The following FGF12 variants were observed in gnomAD, a reference collection of about 807,000 sequenced individuals.
The protein encoded by FGF12 is fibroblast growth factor 12, also known as fibroblast growth factor 12B.
In FGF12, 14 loss-of-function variants were observed where a neutral mutation model predicts 23.6. That is an observed-to-expected ratio of 0.59 (90% CI 0.39 to 0.93). FGF12 has a LOEUF of 0.93. FGF12 is among the 40% of genes least tolerant of loss of function. The pLI, the probability that FGF12 is intolerant of heterozygous loss-of-function variation, is 0.00. For missense variants in FGF12, 175 were observed against 217.8 expected (o/e 0.80, Z 1.24); for synonymous variants, 62 against 77.3 (o/e 0.80, Z 1.04).
At chr3:192,307,631 G>A (rs955619928) in intron 4 of FGF12, among the ~76,000 whole-genome samples, 3 of 152,186 alleles carry the variant, frequency 2.0e-5, no homozygotes, top group Non-Finnish European at 4.4e-5. Context: ...GTTAGGGGAA[G>A]CACTGAGGTT....
intron 2 of FGF12, among the ~76,000 whole-genome samples, chr3:192,520,691 G>T (rs1215010147): frequency 2.0e-5 from 3 of 152,116 alleles, no homozygotes; most frequent in Admixed American, 1.3e-4. Context: ...GGTACTTAGA[G>T]TCAAAGCTTT....
At position 192,408,077 on chromosome 3, in the gene FGF12, G is replaced by C. The variant is rs769569451; in HGVS notation, c.14-47539C>G. 1.2e-6 allele frequency: 2 copies of C among 1,613,112 alleles called. No homozygotes were observed. Among genetic ancestry groups the C allele is most frequent in the South Asian group, 1.1e-5 (1 of 91,068 alleles). On this transcript the variant is annotated intron_variant, in intron 2 of 5. Transcript: ENST00000445105. The surrounding 1 kb of genome is among the most constrained non-coding windows in gnomAD (Gnocchi z 7.3). ...GGCCGCTGCAGAAGCGCACTTTGCT[G>C]AACACCCCGAGGACGTGCCTCTCGC...
intron 2 of FGF12, among the ~76,000 whole-genome samples, chr3:192,629,463 C>T (rs1263306705): frequency 6.6e-6 from 1 of 152,192 alleles, no homozygotes; most frequent in East Asian, 1.9e-4. Flanking sequence ...AGGAAACCAG[C>T]GATCTCAAGA....
chr3:192,684,930 C>T (rs1217983330), intron 2 of FGF12, among the ~76,000 whole-genome samples: 1 of 152,168 alleles, frequency 6.6e-6, no homozygotes, highest in African/African-American at 2.4e-5. Flanking sequence ...CAAATGTCAA[C>T]TCCCCTATTT....
At chr3:192,650,371 T>G (rs950611287) in intron 2 of FGF12, among the ~76,000 whole-genome samples, 1 of 152,198 alleles carries the variant, frequency 6.6e-6, no homozygotes, top group Admixed American at 6.5e-5. Context: ...CTCCATGCCT[T>G]TGCACCTGCT....
intron 2 of FGF12, among the ~76,000 whole-genome samples, chr3:192,404,189 G>A (rs1720872193): frequency 6.6e-6 from 1 of 152,096 alleles, no homozygotes; most frequent in Non-Finnish European, 1.5e-5. Flanking sequence ...TTTGAGGTAA[G>A]AAACTAAGTT....
intron 4 of FGF12, among the ~76,000 whole-genome samples, chr3:192,313,751 A>G (rs764650712): frequency 2.0e-5 from 3 of 152,208 alleles, no homozygotes; most frequent in Non-Finnish European, 2.9e-5. Context: ...GAGACTATGT[A>G]TGCATATCTA....
intron 2 of FGF12, among the ~76,000 whole-genome samples, chr3:192,446,694 A>G: frequency 6.6e-6 from 1 of 152,216 alleles, no homozygotes; most frequent in East Asian, 1.9e-4. Context: ...CAGCCGTCAG[A>G]CCACCGGCAT....
rs1448767155 is a variant in FGF12 at position 192,270,464 on chromosome 3, G to T, written c.228+64897C>A. 1.2e-4 allele frequency among the ~76,000 whole-genome samples: 19 copies of T among 152,138 alleles called. No individual in the cohort carries two copies. The East Asian group carries it at 3.7e-3, about 29-fold the overall frequency. On this transcript the variant is annotated intron_variant, in intron 4 of 5. Coordinates refer to ENST00000445105, the MANE Select transcript of FGF12 (RefSeq NM_004113.6). ...GTGAACTAAGAAGAGAAAAAGAAAA[G>T]AAAAATAATTCAATCTAAGTTACTA... is the stretch of plus-strand genomic sequence containing the variant.
At chr3:192,418,536 G>A (rs1721424630) in intron 2 of FGF12, among the ~76,000 whole-genome samples, 1 of 152,090 alleles carries the variant, frequency 6.6e-6, no homozygotes, top group African/African-American at 2.4e-5. Context: ...GTAGGGAATA[G>A]AAGGGACATT....
At position 192,447,293 on chromosome 3, in the gene FGF12, G is replaced by A. The variant is rs186489229; in HGVS notation, c.14-86755C>T. Among the ~76,000 whole-genome samples, 416 of 152,258 alleles carry A rather than the reference G, an allele frequency of 2.7e-3. 1 individual carries two copies. The highest frequency in any genetic ancestry group is 9.7e-3 in the African/African-American group (404 of 41,566). Reference sequence around the variant, plus strand: ...TATTTGTAGAAGGAGGGAGAATCCAGGATACAGACTCAGATTGGTGCCATT... The same window carrying A: ...TATTTGTAGAAGGAGGGAGAATCCAAGATACAGACTCAGATTGGTGCCATT... On this transcript the variant is annotated intron_variant, in intron 2 of 5. Coordinates refer to ENST00000445105, the MANE Select transcript of FGF12 (RefSeq NM_004113.6).
chr3:192,251,804 A>G (rs939821325), intron 4 of FGF12, among the ~76,000 whole-genome samples: 1 of 152,140 alleles, frequency 6.6e-6, no homozygotes, highest in African/African-American at 2.4e-5. Context: ...AAATAGGTGT[A>G]GAAAACAAAA....
chr3:192,693,692 T>C (rs931635805), intron 2 of FGF12, among the ~76,000 whole-genome samples: 5 of 152,112 alleles, frequency 3.3e-5, no homozygotes, highest in Non-Finnish European at 5.9e-5. Context: ...GGGAAATCTA[T>C]ATATCCACAT....
chr3:192,280,717 C>T (rs1714093973), intron 4 of FGF12, among the ~76,000 whole-genome samples: 1 of 151,982 alleles, frequency 6.6e-6, no homozygotes, highest in Non-Finnish European at 1.5e-5. Context: ...CAAAGTTAAT[C>T]AGTTAGTTGA....
chr3:192,638,262 T>A (rs930535902), intron 2 of FGF12, among the ~76,000 whole-genome samples: 1 of 152,248 alleles, frequency 6.6e-6, no homozygotes, highest in Non-Finnish European at 1.5e-5. Flanking sequence ...CAACTTATTG[T>A]TCTTCCTTCC....
Position 192,409,040 on chromosome 3 carries a change from C to T in FGF12, c.14-48502G>A, listed in dbSNP as rs572385603. 10 of 978,216 alleles carry T rather than the reference C, an allele frequency of 1.0e-5. No homozygotes were observed. In the South Asian group the frequency reaches 4.8e-4, roughly 46 times the overall value. The allele number at this position is 978,216 out of a possible 1,614,324, so 60.6% of individuals were successfully genotyped here. The stretch of plus-strand genomic sequence containing the variant: ...AGCTGCGGTGAGAGCAACTCCCGGC[C>T]AGCAGCACTGCAAAGAGAGCGGGAG... On this transcript the variant is annotated intron_variant, in intron 2 of 5. Transcript: ENST00000445105. This position sits in a 1 kb window ranked among gnomAD's most constrained non-coding sequence, Gnocchi z 4.8.
At position 192,143,072 on chromosome 3, in the gene FGF12, A is replaced by G. The variant is rs1713491254; in HGVS notation, c.*937T>C. The G allele has an allele frequency of 6.6e-6, 1 of 152,058 alleles. No individual in the cohort carries two copies. Among genetic ancestry groups the G allele is most frequent in the Non-Finnish European group, 1.5e-5 (1 of 67,968 alleles). 9.4% of individuals were successfully genotyped at this position (152,058 alleles called of 1,614,324 possible). A position where few individuals can be genotyped will look rare whatever the true frequency, so the allele number is the denominator to read the frequency against. On this transcript the variant is annotated 3_prime_UTR_variant, in exon 6 of 6. Transcript: ENST00000445105. ...ATGCTCTCAGGTGTCCACACCTGAGACATTGCTTTGTGGATACTCTCAAAG... is the reference window on the plus strand; with the variant it reads ...ATGCTCTCAGGTGTCCACACCTGAGGCATTGCTTTGTGGATACTCTCAAAG...
At chr3:192,651,380 C>T (rs1716207971) in intron 2 of FGF12, among the ~76,000 whole-genome samples, 1 of 152,106 alleles carries the variant, frequency 6.6e-6, no homozygotes, top group South Asian at 2.1e-4. Context: ...TCTTCCAGGT[C>T]TCACACCCTG....
intron 2 of FGF12, among the ~76,000 whole-genome samples, chr3:192,594,004 A>G (rs1272754769): frequency 1.3e-5 from 2 of 151,982 alleles, no homozygotes; most frequent in African/African-American, 2.4e-5. Context: ...TAAGAGGGTA[A>G]GCAGCTTGTC....
Sources: allele counts gnomAD v4.1 joint callset (sites outside exome capture counted in the v4.1 genomes callset), GRCh38; gene constraint gnomAD v4.1.1; non-coding constraint Gnocchi (gnomAD v3.1); transcripts MANE v1.5; gene names NCBI Gene and HGNC (gene_info 2026-07-23, HGNC 2026-07-21).